AGBL4: variants seen among roughly 807,000 people sequenced by gnomAD.
The protein encoded by AGBL4 is cytosolic carboxypeptidase 6.
In AGBL4, 58 loss-of-function variants were observed where a neutral mutation model predicts 66.4. The observed-to-expected ratio is 0.87, with a 90% CI of 0.71 to 1.09. The LOEUF (loss-of-function observed/expected upper bound fraction) is 1.09, where lower values mean the gene tolerates loss of function less well. Among genes scored for constraint, AGBL4 ranks in the 50% least tolerant of loss-of-function variants. The probability of loss-of-function intolerance (pLI) is 0.00; values close to 1 mark genes in which losing one functional copy is unlikely to be tolerated. For missense variants in AGBL4, 579 were observed against 631.0 expected, an observed-to-expected ratio of 0.92 and a Z score of 0.88; for synonymous variants, 234 against 222.9, an observed-to-expected ratio of 1.05 and a Z score of -0.44.
chr1:49,430,667 C>T (rs968528640), intron 3 of AGBL4, among the ~76,000 whole-genome samples: 1 of 152,040 alleles, frequency 6.6e-6, no homozygotes, highest in Non-Finnish European at 1.5e-5. Context: ...CAGAAAAGTA[C>T]GTGTATCATA....
intron 2 of AGBL4, among the ~76,000 whole-genome samples, chr1:49,735,411 T>C (rs1649804262): frequency 6.6e-6 from 1 of 150,742 alleles, no homozygotes; most frequent in Non-Finnish European, 1.5e-5. Flanking sequence ...AAGAATGCAG[T>C]CGGCCTCTAG....
intron 6 of AGBL4, 103 bp downstream of exon 6, chr1:48,867,088 C>T: frequency 7.7e-7 from 1 of 1,303,266 alleles, no homozygotes. Flanking sequence ...GCCGTTCATT[C>T]AGGGAGCCAA....
chr1:49,233,304 G>A (rs892984908), intron 4 of AGBL4, among the ~76,000 whole-genome samples: 1 of 152,130 alleles, frequency 6.6e-6, no homozygotes, highest in African/African-American at 2.4e-5. Flanking sequence ...TAATTATCAT[G>A]CTTAAAAGTT....
intron 6 of AGBL4, among the ~76,000 whole-genome samples, chr1:48,866,312 T>G (rs1648079025): frequency 6.6e-6 from 1 of 152,196 alleles, no homozygotes; most frequent in African/African-American, 2.4e-5. Context: ...GTATTGGTAA[T>G]TAGTCATCCC....
intron 3 of AGBL4, among the ~76,000 whole-genome samples, chr1:49,555,088 T>G (rs887479342): frequency 2.6e-5 from 4 of 152,204 alleles, no homozygotes; most frequent in Non-Finnish European, 5.9e-5. Context: ...GGCAGCCTGC[T>G]TTTATTCCCT....
intron 2 of AGBL4, among the ~76,000 whole-genome samples, chr1:49,779,774 C>T (rs1366611241): frequency 6.6e-6 from 1 of 152,088 alleles, no homozygotes; most frequent in African/African-American, 2.4e-5. Flanking sequence ...GTAGTTGGGC[C>T]ATAAAGGCTA....
At chr1:48,737,601 G>T (rs758787697) in intron 6 of AGBL4, among the ~76,000 whole-genome samples, 1 of 152,026 alleles carries the variant, frequency 6.6e-6, no homozygotes, top group Non-Finnish European at 1.5e-5. Context: ...TGATTCCGAC[G>T]GCACAAAGAA....
At chr1:48,913,123 G>A (rs1478430472) in intron 5 of AGBL4, among the ~76,000 whole-genome samples, 2 of 152,172 alleles carry the variant, frequency 1.3e-5, no homozygotes, top group Non-Finnish European at 2.9e-5. Context: ...GAAGATGTAG[G>A]AAACACTGGA....
At chr1:49,668,959 G>C (rs1646422355) in intron 3 of AGBL4, among the ~76,000 whole-genome samples, 1 of 152,120 alleles carries the variant, frequency 6.6e-6, no homozygotes, top group South Asian at 2.1e-4. Context: ...AGAGGGCCAG[G>C]CTGTTTCTTC....
At chr1:49,307,782 G>C (rs535928163) in intron 3 of AGBL4, among the ~76,000 whole-genome samples, 95 of 152,160 alleles carry the variant, frequency 6.2e-4, no homozygotes, top group Middle Eastern at 6.8e-3. Context: ...ATGAACTTAA[G>C]ATCTCTCCAA....
intron 1 of AGBL4, among the ~76,000 whole-genome samples, chr1:49,931,276 T>C (rs1483550727): frequency 1.3e-5 from 2 of 152,204 alleles, no homozygotes; most frequent in East Asian, 1.9e-4. Flanking sequence ...AGATATACTA[T>C]ATTCATGAGT....
chr1:48,618,867 T>C (rs1645363093), intron 9 of AGBL4, among the ~76,000 whole-genome samples: 2 of 152,122 alleles, frequency 1.3e-5, no homozygotes, highest in Admixed American at 1.3e-4. Context: ...AATAAATCTA[T>C]TTATAATATC....
chr1:49,761,264 C>T (rs1380704340), intron 2 of AGBL4, among the ~76,000 whole-genome samples: 1 of 151,856 alleles, frequency 6.6e-6, no homozygotes, highest in Non-Finnish European at 1.5e-5. Context: ...AGAAGGCTAT[C>T]ATACTTTCTT....
intron 3 of AGBL4, among the ~76,000 whole-genome samples, chr1:49,372,326 C>T (rs917614422): frequency 6.6e-6 from 1 of 152,106 alleles, no homozygotes; most frequent in Non-Finnish European, 1.5e-5. Flanking sequence ...TATTCTGGGG[C>T]TTATTTTTCA....
intron 4 of AGBL4, among the ~76,000 whole-genome samples, chr1:49,063,678 A>G (rs1454585978): frequency 6.6e-6 from 1 of 152,214 alleles, no homozygotes; most frequent in African/African-American, 2.4e-5. Flanking sequence ...AAGACAGCAT[A>G]AGGGAATAGA....
chr1:49,845,036 T>C (rs1194890992), intron 2 of AGBL4: 10 of 1,439,826 alleles, frequency 6.9e-6, no homozygotes, highest in Non-Finnish European at 9.5e-6. Context: ...AAGCCAGACC[T>C]AAATGCTCTA....
intron 3 of AGBL4, among the ~76,000 whole-genome samples, chr1:49,394,672 T>C (rs1353458429): frequency 6.6e-6 from 1 of 152,180 alleles, no homozygotes; most frequent in Non-Finnish European, 1.5e-5. Context: ...CAAAGATATA[T>C]TTGGTGCAAG....
intron 4 of AGBL4, among the ~76,000 whole-genome samples, chr1:49,058,895 T>C (rs534289268): frequency 3.5e-4 from 54 of 152,268 alleles, no homozygotes; most frequent in Non-Finnish European, 5.0e-4. Context: ...ATTTTGAACT[T>C]GAGAGAGATG....
Position 48,871,364 on chromosome 1 carries a change from T to TGC in AGBL4, c.595-4135_595-4134insGC, listed in dbSNP as rs1222784585. Among the ~76,000 whole-genome samples the TGC allele has an allele frequency of 2.8e-3, 428 of 151,004 alleles. 27 individuals carry two copies. The East Asian group carries it at 0.073, about 26-fold the overall frequency. ...ATGTGTAGTAGTGGTTGTGTGTGTGTGTGTGTGTGTGTGTGTGTGTGTTTG... is the reference window on the plus strand; with the variant it reads ...ATGTGTAGTAGTGGTTGTGTGTGTGTGCGTGTGTGTGTGTGTGTGTGTGTTTG... On this transcript the variant is annotated intron_variant, in intron 5 of 13. Coordinates refer to ENST00000371839, the MANE Select transcript of AGBL4 (RefSeq NM_032785.4).
Sources: allele counts gnomAD v4.1 joint callset (sites outside exome capture counted in the v4.1 genomes callset), GRCh38; gene constraint gnomAD v4.1.1; transcripts MANE v1.5; gene names NCBI Gene and HGNC (gene_info 2026-07-23, HGNC 2026-07-21).